Variants in SLC12A6 observed in about 807,000 individuals in gnomAD.
SLC12A6 encodes the protein solute carrier family 12 member 6.
Under a neutral mutation model 135.3 loss-of-function variants are expected in SLC12A6, and 66 were observed. That is an observed-to-expected ratio of 0.49 (90% CI 0.40 to 0.60). The LOEUF (loss-of-function observed/expected upper bound fraction) is 0.60. SLC12A6 is among the 20% of genes least tolerant of loss of function. The probability of loss-of-function intolerance (pLI) is 0.00; values close to 1 mark genes in which losing one functional copy is unlikely to be tolerated. For missense variants in SLC12A6, 1,058 were observed against 1,452.3 expected (o/e 0.73, Z 4.41); for synonymous variants, 513 against 508.8 (o/e 1.01, Z -0.11).
chr15:34,240,415 T>A (rs1426421657), intron 19 of SLC12A6, among the ~76,000 whole-genome samples: 3 of 152,184 alleles, frequency 2.0e-5, no homozygotes, highest in Non-Finnish European at 2.9e-5. Context: ...TTGGAGTATA[T>A]TTGAACATAA....
At chr15:34,284,943 T>C (rs181928740) in intron 2 of SLC12A6, among the ~76,000 whole-genome samples, 1 of 152,286 alleles carries the variant, frequency 6.6e-6, no homozygotes, top group African/African-American at 2.4e-5. Flanking sequence ...CAGGTATGTA[T>C]TGACATGTTT....
rs1478134793 is a variant in SLC12A6, at chr15:34,233,185, T to G, written c.*696A>C. 1 of 152,334 alleles carries G rather than the reference T, an allele frequency of 6.6e-6. No individual in the cohort carries two copies. The highest frequency in any genetic ancestry group is 1.5e-5 in the Non-Finnish European group (1 of 68,142). The allele number at this position is 152,334 out of a possible 1,614,324, so 9.4% of individuals were successfully genotyped here. A position where few individuals can be genotyped will look rare whatever the true frequency, so the allele number is the denominator to read the frequency against. On this transcript the variant is annotated 3_prime_UTR_variant, in exon 26 of 26. Coordinates refer to ENST00000354181, the MANE Select transcript of SLC12A6 (RefSeq NM_001365088.1). ...CCAAAAACAATTTCCATGGTAACAC[T>G]GCCTGTGTTACAATGACAGAATGGG...
Position 34,236,822 on chromosome 15 carries a change from T to C in SLC12A6, c.2935-7A>G, listed in dbSNP as rs184053916. 1,591 of 1,546,746 alleles carry C rather than the reference T, an allele frequency of 1.0e-3. 18 individuals carry two copies. In the African/African-American group the frequency reaches 0.018, roughly 18 times the overall value. On this transcript the variant is annotated splice_polypyrimidine_tract_variant and splice_region_variant and intron_variant, in intron 22 of 25. Transcript: ENST00000354181. The stretch of plus-strand genomic sequence containing the variant: ...CTGATATATCACTGTCATGCTGCCA[T>C]AGACATCACATAAAAGGGGCAAAAA...
At chr15:34,312,095 C>T (rs961017497) in intron 2 of SLC12A6, among the ~76,000 whole-genome samples, 32 of 152,138 alleles carry the variant, frequency 2.1e-4, no homozygotes, top group African/African-American at 7.7e-4. Context: ...AAAGCAGGTG[C>T]TGTTATTCTC....
At chr15:34,336,847 AT>A (rs1192135149) in intron 1 of SLC12A6, 95 bp from the exon 2 acceptor site, 4 of 660,642 alleles carry the variant, frequency 6.1e-6, no homozygotes, top group African/African-American at 1.8e-5. Flanking sequence ...TCTACTCAGA[AT>A]TCAAGCCGAC....
chr15:34,260,115 G>GAT (rs1479112011), intron 4 of SLC12A6, among the ~76,000 whole-genome samples: 14 of 152,210 alleles, frequency 9.2e-5, no homozygotes, highest in African/African-American at 3.4e-4. Context: ...TATACGAGGT[G>GAT]ATATATATGC....
At chr15:34,235,584 A>G (rs1397728591) in intron 24 of SLC12A6, among the ~76,000 whole-genome samples, 5 of 151,484 alleles carry the variant, frequency 3.3e-5, no homozygotes, top group African/African-American at 1.2e-4. Context: ...ACAGGCCCCC[A>G]CCACCATACC....
chr15:34,293,199 A>G (rs573701789), intron 2 of SLC12A6, among the ~76,000 whole-genome samples: 3 of 152,356 alleles, frequency 2.0e-5, no homozygotes, highest in African/African-American at 4.8e-5. Flanking sequence ...GAGTTCTGAT[A>G]TGGCTTTAAG....
intron 2 of SLC12A6, among the ~76,000 whole-genome samples, chr15:34,324,120 C>A (rs193192349): frequency 4.9e-4 from 75 of 151,962 alleles, no homozygotes; most frequent in Non-Finnish European, 9.3e-4. Flanking sequence ...AGCGTAAGTC[C>A]ACAAAAATTC....
At chr15:34,256,399 G>C (rs560672116) in intron 6 of SLC12A6, 116 bp from the exon 7 acceptor site, 12 of 733,688 alleles carry the variant, frequency 1.6e-5, no homozygotes, top group Admixed American at 3.8e-5. Context: ...CTACTTTTAT[G>C]GACAGTCATA....
intron 2 of SLC12A6, among the ~76,000 whole-genome samples, chr15:34,308,740 T>C (rs1024487816): frequency 6.6e-6 from 1 of 151,630 alleles, no homozygotes; most frequent in Non-Finnish European, 1.5e-5. Flanking sequence ...AAATACTCTA[T>C]GCGAAATAAA....
At position 34,307,621 on chromosome 15, in the gene SLC12A6, A is replaced by G. The variant is rs541267137; in HGVS notation, c.271+28789T>C. On this transcript the variant is annotated intron_variant, in intron 2 of 25. Coordinates refer to ENST00000354181, the MANE Select transcript of SLC12A6 (RefSeq NM_001365088.1). ...TCACCATGTCCACCCATTAATACCA[A>G]TTAATGATATAATCAAAGTTGGAGT... 5.3e-5 allele frequency among the ~76,000 whole-genome samples: 8 copies of G among 152,366 alleles called. No homozygotes were observed. In the South Asian group the frequency reaches 1.2e-3, roughly 24 times the overall value.
At chr15:34,277,217 G>A (rs1440827060) in intron 2 of SLC12A6, among the ~76,000 whole-genome samples, 2 of 152,124 alleles carry the variant, frequency 1.3e-5, no homozygotes, top group Non-Finnish European at 2.9e-5. Flanking sequence ...GGAGGATCAC[G>A]AGGCCAGGAG....
rs1457529060 is a variant in SLC12A6 at position 34,250,738 on chromosome 15, A to G, written c.1493-9T>C. ...TGATCCAGCCATGATACCTTTAGAG[A>G]TAAGGGGGAAAAAACCAAGTTAACT... is the stretch of plus-strand genomic sequence containing the variant. On this transcript the variant is annotated splice_polypyrimidine_tract_variant and intron_variant, in intron 11 of 25. Coordinates refer to ENST00000354181, the MANE Select transcript of SLC12A6 (RefSeq NM_001365088.1). 1.3e-6 allele frequency: 2 copies of G among 1,546,440 alleles called. No homozygotes were observed. The highest frequency in any genetic ancestry group is 2.2e-5 in the South Asian group (2 of 89,720).
At chr15:34,254,312 C>G in intron 9 of SLC12A6, 36 bp downstream of exon 9, 2 of 1,589,416 alleles carry the variant, frequency 1.3e-6, no homozygotes, top group South Asian at 1.1e-5. Context: ...AATTACTACC[C>G]AATAAGGATG....
At chr15:34,333,378 C>T (rs929475609) in intron 2 of SLC12A6, among the ~76,000 whole-genome samples, 1 of 151,856 alleles carries the variant, frequency 6.6e-6, no homozygotes, top group South Asian at 2.1e-4. Flanking sequence ...TACAGGCGCA[C>T]GCCGTCACGC....
intron 3 of SLC12A6, among the ~76,000 whole-genome samples, chr15:34,274,726 T>C (rs1232817048): frequency 6.6e-6 from 1 of 151,848 alleles, no homozygotes; most frequent in Non-Finnish European, 1.5e-5. Context: ...GGCAGGAGAA[T>C]GGCATGAACC....
chr15:34,250,941 A>C lies in SLC12A6; in HGVS notation c.1450T>G (p.Ser484Ala). ...HEYVLVDITT[S>A]FTLLVGIFFP... Reference sequence around the variant, plus strand: ...AAGATTCCCACCAGAAGCGTGAAGGAGGTGGTGATGTCAACAAGAACATAT... The same window carrying C: ...AAGATTCCCACCAGAAGCGTGAAGGCGGTGGTGATGTCAACAAGAACATAT... The change falls in exon 11 of 26, where the codon TCC becomes GCC. Residue 484 changes from serine (S) to alanine (A), a missense_variant. Around this residue, in one of 6 missense-constraint regions of SLC12A6, gnomAD observed 297 missense variants for 318.5 expected, o/e 0.93. Coordinates refer to ENST00000354181, the MANE Select transcript of SLC12A6 (RefSeq NM_001365088.1). 6.2e-7 allele frequency: 1 copy of C among 1,612,006 alleles called. No individual in the cohort carries two copies. Among genetic ancestry groups the C allele is most frequent in the Non-Finnish European group, 8.5e-7 (1 of 1,178,110 alleles).
In SLC12A6 at chr15:34,336,429, G is replaced by A; in HGVS notation, c.252C>T (p.His84=). ...ALDPPSDRTS[H]PQDVIEDLSQ... is the part of the protein sequence containing the mutation. ...ACTTACCCTCGATGACATCCTGGGG[G>A]TGAGAAGTCCGGTCACTGGGTGGAT... is the stretch of plus-strand genomic sequence containing the variant. Residue 84 remains histidine, a synonymous_variant, in exon 2 of 26, where the codon CAC becomes CAT. Coordinates refer to ENST00000354181, the MANE Select transcript of SLC12A6 (RefSeq NM_001365088.1). 1 of 1,613,890 alleles carries A rather than the reference G, an allele frequency of 6.2e-7. No individual in the cohort carries two copies. The highest frequency in any genetic ancestry group is 8.5e-7 in the Non-Finnish European group (1 of 1,179,786).
Sources: gnomAD v4.1 joint callset for allele counts (sites outside exome capture counted in the v4.1 genomes callset) on GRCh38, gnomAD v4.1.1 for gene constraint, gnomAD v4.1.1 regional missense constraint, MANE v1.5 for transcripts, NCBI Gene and HGNC (gene_info 2026-07-23, HGNC 2026-07-21) for gene names.